CACNA1D: variants seen among roughly 807,000 people sequenced by gnomAD.
CACNA1D encodes calcium voltage-gated channel subunit alpha1 D.
In CACNA1D, 55 loss-of-function variants were observed where a neutral mutation model predicts 257.1. That is an observed-to-expected ratio of 0.21 (90% CI 0.17 to 0.27). The LOEUF (loss-of-function observed/expected upper bound fraction) is 0.27, where lower values mean the gene tolerates loss of function less well. Among genes scored for constraint, CACNA1D ranks in the 10% least tolerant of loss-of-function variants. The pLI is 1.00. For synonymous variants in CACNA1D, 980 were observed against 1,014.9 expected, an observed-to-expected ratio of 0.97 and a Z score of 0.65; for missense variants, 1,876 against 2,784.0, an observed-to-expected ratio of 0.67 and a Z score of 7.34.
rs1456075486 is a variant in CACNA1D at position 53,521,782 on chromosome 3, A to ACT, written c.483+20062_483+20063insCT. Among the ~76,000 whole-genome samples the ACT allele has an allele frequency of 7.3e-3, 1,107 of 152,306 alleles. 9 individuals carry two copies. The highest frequency in any genetic ancestry group is 0.025 in the African/African-American group (1,041 of 41,554). ...TGGTAGTCACTGGCCACATGTCATT[A>ACT]TAAGAACTTAAACTAATTAAAATTA... On this transcript the variant is annotated intron_variant, in intron 3 of 47. Coordinates refer to ENST00000350061, the MANE Select transcript of CACNA1D (RefSeq NM_001128840.3).
intron 33 of CACNA1D, 64 bp downstream of exon 33, chr3:53,772,962 A>G (rs2095374745): frequency 4.6e-6 from 6 of 1,308,850 alleles, no homozygotes; most frequent in Non-Finnish European, 6.6e-6. Context: ...CTGTGGCAAG[A>G]TGTACCCTGA....
rs541781657 is a variant in CACNA1D at position 53,711,630 on chromosome 3, A to G, written c.1391-6671A>G. Among the ~76,000 whole-genome samples the G allele has an allele frequency of 5.9e-5, 9 of 152,368 alleles. No individual in the cohort carries two copies. In the South Asian group the frequency reaches 1.7e-3, roughly 28 times the overall value. On this transcript the variant is annotated intron_variant, in intron 9 of 47. Transcript: ENST00000350061. Reference sequence around the variant, plus strand: ...ACGTGAAGCCAACAACTAAGGGAACAGAGGGGACACACTGTACTCTTTTCT... The same window carrying G: ...ACGTGAAGCCAACAACTAAGGGAACGGAGGGGACACACTGTACTCTTTTCT...
At chr3:53,655,088 G>A (rs760191125) in intron 4 of CACNA1D, among the ~76,000 whole-genome samples, 15 of 152,104 alleles carry the variant, frequency 9.9e-5, no homozygotes, top group South Asian at 8.3e-4. Context: ...TTGTTCCTGC[G>A]TTAGTTTGCT....
chr3:53,722,606 A>C, intron 12 of CACNA1D, 132 bp downstream of exon 12: 4 of 946,084 alleles, frequency 4.2e-6, no homozygotes, highest in Non-Finnish European at 6.8e-6. Flanking sequence ...ACTTGGTAGA[A>C]CCATCCAGAC....
chr3:53,811,476 T>A lies in CACNA1D; in HGVS notation c.*70T>A. The A allele has an allele frequency of 7.5e-7, 1 of 1,340,462 alleles. No individual in the cohort carries two copies. Among genetic ancestry groups the A allele is most frequent in the Non-Finnish European group, 1.0e-6 (1 of 993,686 alleles). 83.0% of individuals were successfully genotyped at this position (1,340,462 alleles called of 1,614,324 possible). A position where few individuals can be genotyped will look rare whatever the true frequency, so the allele number is the denominator to read the frequency against. On this transcript the variant is annotated 3_prime_UTR_variant, in exon 48 of 48. Transcript: ENST00000350061. The surrounding 1 kb of genome is among the most constrained non-coding windows in gnomAD (Gnocchi z 4.2). The stretch of plus-strand genomic sequence containing the variant: ...GGAGAGCCAGGGGAAAAGTGCCTCA[T>A]AGTTAGGAAAGTTTAGGCACTAGTT...
chr3:53,675,385 G>C (rs955834994), intron 8 of CACNA1D, among the ~76,000 whole-genome samples: 1 of 152,208 alleles, frequency 6.6e-6, no homozygotes, highest in Non-Finnish European at 1.5e-5. Flanking sequence ...TTTGCCACAG[G>C]AGCTTTCTAT....
chr3:53,689,076 C>T (rs1315208711), intron 8 of CACNA1D, among the ~76,000 whole-genome samples: 2 of 152,194 alleles, frequency 1.3e-5, no homozygotes, highest in Non-Finnish European at 2.9e-5. Context: ...CAAACCTGTA[C>T]CTATCAGTAT....
chr3:53,781,265 G>GC (rs1392305485), intron 38 of CACNA1D, among the ~76,000 whole-genome samples: 1 of 152,196 alleles, frequency 6.6e-6, no homozygotes, highest in African/African-American at 2.4e-5. Flanking sequence ...ACAATGGAAA[G>GC]CAAGTAGTAG....
intron 12 of CACNA1D, 84 bp downstream of exon 12, chr3:53,722,558 TG>T: frequency 7.4e-7 from 1 of 1,343,408 alleles, no homozygotes. Flanking sequence ...ATCTGATCGC[TG>T]CATGATGAAG....
rs1026196227 is a variant in CACNA1D, at chr3:53,700,098, T to G, written c.1221-2543T>G. 4.7e-5 allele frequency among the ~76,000 whole-genome samples: 7 copies of G among 148,230 alleles called. No homozygotes were observed. In the East Asian group the frequency reaches 1.4e-3, roughly 29 times the overall value. ...TATATAATTTAAAAATAAAATATAA[T>G]TATATAATTATAATACATTATAAAA... On this transcript the variant is annotated intron_variant, in intron 8 of 47. Coordinates refer to ENST00000350061, the MANE Select transcript of CACNA1D (RefSeq NM_001128840.3).
At position 53,573,406 on chromosome 3, in the gene CACNA1D, C is replaced by T. The variant is rs138113265; in HGVS notation, c.483+71686C>T. On this transcript the variant is annotated intron_variant, in intron 3 of 47. Coordinates refer to ENST00000350061, the MANE Select transcript of CACNA1D (RefSeq NM_001128840.3). ...GTGCCCTGGGGCCTTTGTACTTGCT[C>T]GGCCTTCTTTTAAGAACTTTTTTTA... is the stretch of plus-strand genomic sequence containing the variant. Among the ~76,000 whole-genome samples, 963 of 152,270 alleles carry T rather than the reference C, an allele frequency of 6.3e-3. 6 individuals are homozygous for T. Among genetic ancestry groups the T allele is most frequent in the Non-Finnish European group, 9.6e-3 (650 of 68,026 alleles).
intron 30 of CACNA1D, among the ~76,000 whole-genome samples, chr3:53,767,143 G>A (rs1398767553): frequency 2.6e-5 from 4 of 152,100 alleles, no homozygotes; most frequent in South Asian, 4.1e-4. Context: ...CTGTATGGCC[G>A]CTCGAGATCT....
In CACNA1D at chr3:53,730,874, A is replaced by T; in HGVS notation, c.2337-203A>T. ...TTAGCTCTCAGATGAGAATTTTAAT[A>T]AGATGGTCTGTGTAATGAATCCATC... On this transcript the variant is annotated intron_variant, in intron 16 of 47. Transcript: ENST00000350061. 5 of 608,178 alleles carry T rather than the reference A, an allele frequency of 8.2e-6. No individual in the cohort carries two copies. In the South Asian group the frequency reaches 1.0e-4, roughly 12 times the overall value. 37.7% of individuals were successfully genotyped at this position (608,178 alleles called of 1,614,324 possible).
Position 53,793,204 on chromosome 3 carries a change from T to C in CACNA1D, c.4923+6252T>C, listed in dbSNP as rs1402917188. The stretch of plus-strand genomic sequence containing the variant: ...CAGCTACAGGTCTAGTGCCTGGCAT[T>C]GCAGGGAGCCTCCAGGACCCTGCTG... On this transcript the variant is annotated intron_variant, in intron 40 of 47. Transcript: ENST00000350061. The surrounding 1 kb of genome is among the most constrained non-coding windows in gnomAD (Gnocchi z 4.1). 6.6e-6 allele frequency among the ~76,000 whole-genome samples: 1 copy of C among 152,238 alleles called. No individual in the cohort carries two copies. The highest frequency in any genetic ancestry group is 1.5e-5 in the Non-Finnish European group (1 of 68,044).
At chr3:53,546,328 A>G (rs989263983) in intron 3 of CACNA1D, among the ~76,000 whole-genome samples, 12 of 151,894 alleles carry the variant, frequency 7.9e-5, no homozygotes, top group African/African-American at 2.9e-4. Context: ...CAGGAACCCA[A>G]CAGAGCTGCA....
chr3:53,694,951 C>T (rs2094560218), intron 8 of CACNA1D, among the ~76,000 whole-genome samples: 1 of 152,142 alleles, frequency 6.6e-6, no homozygotes, highest in African/African-American at 2.4e-5. Flanking sequence ...TTGTCTATTC[C>T]ATCTAAAGGT....
chr3:53,590,062 T>G (rs2093280683), intron 3 of CACNA1D, among the ~76,000 whole-genome samples: 1 of 152,188 alleles, frequency 6.6e-6, no homozygotes, highest in African/African-American at 2.4e-5. Flanking sequence ...TCAAATCCCT[T>G]TGGTCCTTTT....
chr3:53,753,437 C>A (rs72556358), intron 28 of CACNA1D, 135 bp from the exon 29 acceptor site: 2 of 728,424 alleles, frequency 2.7e-6, no homozygotes, highest in East Asian at 5.2e-5. Context: ...CTTGCAATGC[C>A]GGTGGAATTG....
At chr3:53,602,576 T>C (rs1333537787) in intron 3 of CACNA1D, among the ~76,000 whole-genome samples, 1 of 152,240 alleles carries the variant, frequency 6.6e-6, no homozygotes, top group Non-Finnish European at 1.5e-5. Context: ...CCACTAACAG[T>C]GTGTGAGGGT....
Sources: allele counts gnomAD v4.1 joint callset (sites outside exome capture counted in the v4.1 genomes callset), GRCh38; gene constraint gnomAD v4.1.1; non-coding constraint Gnocchi (gnomAD v3.1); transcripts MANE v1.5; gene names NCBI Gene and HGNC (gene_info 2026-07-23, HGNC 2026-07-21).